Variants in CEP192 observed in about 807,000 individuals in gnomAD.
CEP192 encodes centrosomal protein of 192 kDa.
In CEP192, 151 loss-of-function variants were observed where a neutral mutation model predicts 271.8. The ratio of observed to expected loss-of-function variants is 0.56; its 90% CI spans 0.49 to 0.64. The LOEUF (loss-of-function observed/expected upper bound fraction) is 0.64. Ranked by LOEUF, CEP192 falls within the 30% of genes least tolerant of loss-of-function variation. CEP192 has a pLI of 0.00. For missense variants in CEP192, 2,910 were observed against 3,020.5 expected, an observed-to-expected ratio of 0.96 and a Z score of 0.86; for synonymous variants, 995 against 1,076.5, an observed-to-expected ratio of 0.92 and a Z score of 1.48.
intron 30 of CEP192, among the ~76,000 whole-genome samples, chr18:13,076,343 G>C (rs2038277625): frequency 6.6e-6 from 1 of 152,108 alleles, no homozygotes; most frequent in African/African-American, 2.4e-5. Flanking sequence ...TCTTGCCTCA[G>C]CCTCCCGAGT....
chr18:13,019,983 G>A (rs1413026042), intron 9 of CEP192, among the ~76,000 whole-genome samples: 1 of 151,768 alleles, frequency 6.6e-6, no homozygotes, highest in East Asian at 1.9e-4. Flanking sequence ...GTTAATTTTT[G>A]TATTTTTAGT....
In CEP192 at chr18:13,084,786, G is replaced by A. The variant is rs114380422; in HGVS notation, c.5617-2231G>A. ...AGTCTCTAATGATCGCCATTCTCAC[G>A]CATGAGATGGTATCTCATTGTGGTT... On this transcript the variant is annotated intron_variant, in intron 30 of 44. Coordinates refer to ENST00000506447, the MANE Select transcript of CEP192 (RefSeq NM_032142.4). Among the ~76,000 whole-genome samples, 1,003 of 151,938 alleles carry A rather than the reference G, an allele frequency of 6.6e-3. 19 individuals carry two copies. The highest frequency in any genetic ancestry group is 0.022 in the African/African-American group (920 of 41,450).
chr18:12,994,559 A>G (rs2033093446), intron 1 of CEP192, among the ~76,000 whole-genome samples: 1 of 152,058 alleles, frequency 6.6e-6, no homozygotes, highest in African/African-American at 2.4e-5. Flanking sequence ...AAACATGGAA[A>G]AGGGTGAGGA....
intron 3 of CEP192, among the ~76,000 whole-genome samples, chr18:13,007,023 C>T (rs1009516408): frequency 2.6e-5 from 4 of 152,156 alleles, no homozygotes. Flanking sequence ...CTCCCCGACT[C>T]CCTTCTGCCC....
intron 28 of CEP192, among the ~76,000 whole-genome samples, chr18:13,072,499 TATTA>T (rs1435315158): frequency 6.6e-6 from 1 of 152,194 alleles, no homozygotes; most frequent in African/African-American, 2.4e-5. Context: ...ATACACATAG[TATTA>T]ATAATAAGGT....
chr18:13,002,839 A>G (rs2033737990), intron 3 of CEP192, among the ~76,000 whole-genome samples: 1 of 152,180 alleles, frequency 6.6e-6, no homozygotes, highest in South Asian at 2.1e-4. Context: ...TTTAATGTCT[A>G]TTCATTACTT....
At chr18:13,089,650 G>A (rs1367482845) in intron 33 of CEP192, 85 bp downstream of exon 33, 7 of 669,532 alleles carry the variant, frequency 1.0e-5, no homozygotes, top group Non-Finnish European at 1.8e-5. Context: ...ATATAAGAAG[G>A]AAGTGTTAGT....
chr18:13,114,150 G>A lies in CEP192; in HGVS notation c.7188G>A (p.Glu2396=). 6.2e-7 allele frequency: 1 copy of A among 1,613,660 alleles called. No homozygotes were observed. Among genetic ancestry groups the A allele is most frequent in the Non-Finnish European group, 8.5e-7 (1 of 1,179,888 alleles). ...TATAGAGCATCGAAGCAGAAAATGAGCCTGAAAACGCATGCCTTTCCACGG... is the reference window on the plus strand; with the variant it reads ...TATAGAGCATCGAAGCAGAAAATGAACCTGAAAACGCATGCCTTTCCACGG... The part of the protein sequence containing the change: ...LSGQSIEAEN[E]PENACLSTDS... Residue 2396 remains glutamate (E), a synonymous_variant, in exon 42 of 45, where the codon GAG becomes GAA. Transcript: ENST00000506447.
intron 21 of CEP192, among the ~76,000 whole-genome samples, chr18:13,066,960 C>CGTGTGT (rs1172364662): frequency 2.1e-5 from 2 of 97,400 alleles, no homozygotes; most frequent in East Asian, 7.0e-4. Context: ...AATGTGAGCA[C>CGTGTGT]GTCTGTGTGT....
chr18:13,121,722 G>C (rs2040669101), intron 44 of CEP192, among the ~76,000 whole-genome samples: 1 of 152,118 alleles, frequency 6.6e-6, no homozygotes, highest in Admixed American at 6.6e-5. Flanking sequence ...CCCAGCTGAG[G>C]TGTTGTAGCT....
Position 13,092,563 on chromosome 18 carries a change from C to T in CEP192, c.6254+36C>T, listed in dbSNP as rs1171276493. ...TGAACAGAAATCTTTCACCAGATTT[C>T]AGGATGATTCGATTCATAGCAAAGC... On this transcript the variant is annotated intron_variant, in intron 34 of 44. Transcript: ENST00000506447. 1.0e-5 allele frequency: 15 copies of T among 1,489,774 alleles called. No individual in the cohort carries two copies. The Admixed American group carries it at 1.2e-4, about 12-fold the overall frequency. The allele number at this position is 1,489,774 out of a possible 1,614,324, so 92.3% of individuals were successfully genotyped here.
At chr18:13,099,961 T>G (rs538985883) in intron 37 of CEP192, among the ~76,000 whole-genome samples, 1 of 152,216 alleles carries the variant, frequency 6.6e-6, no homozygotes, top group Non-Finnish European at 1.5e-5. Flanking sequence ...ATCTCCCCCA[T>G]GGATACCGAG....
At chr18:13,068,045 A>G in intron 22 of CEP192, 49 bp from the exon 23 acceptor site, 2 of 1,603,934 alleles carry the variant, frequency 1.2e-6, no homozygotes, top group Non-Finnish European at 8.5e-7. Flanking sequence ...TAGCAAACTT[A>G]GCATTACACT....
chr18:13,113,146 C>T (rs957550103), intron 40 of CEP192, among the ~76,000 whole-genome samples: 17 of 152,172 alleles, frequency 1.1e-4, no homozygotes, highest in Admixed American at 1.1e-3. Flanking sequence ...CCTGTAGCCG[C>T]CGCCCCCCTC....
chr18:13,072,712 T>A, intron 28 of CEP192, 43 bp from the exon 29 acceptor site: 2 of 1,292,612 alleles, frequency 1.5e-6, no homozygotes, highest in South Asian at 2.4e-5. Context: ...GGTAGCAATA[T>A]CCATGGAGAA....
chr18:13,037,775 G>A (rs978653738), intron 12 of CEP192, among the ~76,000 whole-genome samples: 1 of 152,012 alleles, frequency 6.6e-6, no homozygotes, highest in Non-Finnish European at 1.5e-5. Flanking sequence ...GACTTGTCTG[G>A]AACTCCTGGG....
At chr18:13,052,594 C>T (rs944648174) in intron 17 of CEP192, among the ~76,000 whole-genome samples, 5 of 152,000 alleles carry the variant, frequency 3.3e-5, no homozygotes, top group African/African-American at 9.7e-5. Flanking sequence ...CCTCTTTGCT[C>T]GTTGAGGGTT....
intron 18 of CEP192, among the ~76,000 whole-genome samples, chr18:13,055,279 CAA>C (rs34080432): frequency 2.5e-4 from 24 of 97,504 alleles, no homozygotes; most frequent in Admixed American, 3.5e-4. Flanking sequence ...GACTCTGTCT[CAA>C]AAAAAAAAAA....
Position 13,029,582 on chromosome 18 carries a change from T to C in CEP192, c.1051-81T>C, listed in dbSNP as rs1444663318. On this transcript the variant is annotated intron_variant, in intron 9 of 44. Transcript: ENST00000506447. ...AACATTTTATATCAACTATATAATT[T>C]TTCCCATAAATTTTAAAATAAGTTA... is the stretch of plus-strand genomic sequence containing the variant. 4 of 848,232 alleles carry C rather than the reference T, an allele frequency of 4.7e-6. No individual in the cohort carries two copies. The Admixed American group carries it at 1.2e-4, about 25-fold the overall frequency. The allele number at this position is 848,232 out of a possible 1,614,324, so 52.5% of individuals were successfully genotyped here.
Sources: gnomAD v4.1 joint callset for allele counts (sites outside exome capture counted in the v4.1 genomes callset) on GRCh38, gnomAD v4.1.1 for gene constraint, MANE v1.5 for transcripts, NCBI Gene and HGNC (gene_info 2026-07-23, HGNC 2026-07-21) for gene names.